Variants in ERBB4 observed in about 807,000 individuals in gnomAD.
The protein encoded by ERBB4 is receptor tyrosine-protein kinase erbB-4.
Under a neutral mutation model 158.0 loss-of-function variants are expected in ERBB4, and 42 were observed. That is an observed-to-expected ratio of 0.27 (90% CI 0.21 to 0.34). ERBB4 has a LOEUF of 0.34. Among genes scored for constraint, ERBB4 ranks in the 10% least tolerant of loss-of-function variants. The probability of loss-of-function intolerance (pLI) is 1.00; values close to 1 mark genes in which losing one functional copy is unlikely to be tolerated. For missense variants in ERBB4, 1,333 were observed against 1,624.1 expected, an observed-to-expected ratio of 0.82 and a Z score of 3.08; for synonymous variants, 583 against 558.7, an observed-to-expected ratio of 1.04 and a Z score of -0.61.
intron 3 of ERBB4, among the ~76,000 whole-genome samples, chr2:211,876,707 T>G (rs1029565697): frequency 3.3e-5 from 5 of 152,136 alleles, no homozygotes; most frequent in African/African-American, 1.2e-4. Context: ...GTAAGAGGCA[T>G]GAGGGAATCT....
At chr2:211,703,259 T>G (rs2073317537) in intron 11 of ERBB4, among the ~76,000 whole-genome samples, 1 of 152,178 alleles carries the variant, frequency 6.6e-6, no homozygotes. Flanking sequence ...GCTTATAATA[T>G]TTATTCAACG....
chr2:212,012,058 T>G (rs1031565095), intron 2 of ERBB4, among the ~76,000 whole-genome samples: 2 of 152,240 alleles, frequency 1.3e-5, no homozygotes, highest in African/African-American at 4.8e-5. Flanking sequence ...TTAGGGTTGT[T>G]TTTTAGTATA....
At chr2:211,675,220 G>C (rs34927727) in intron 13 of ERBB4, among the ~76,000 whole-genome samples, 1 of 152,028 alleles carries the variant, frequency 6.6e-6, no homozygotes, top group Non-Finnish European at 1.5e-5. Flanking sequence ...AGGGAGCTTT[G>C]TTCCCTTGGT....
intron 2 of ERBB4, among the ~76,000 whole-genome samples, chr2:211,962,325 T>A (rs887260790): frequency 7.9e-5 from 12 of 152,190 alleles, no homozygotes; most frequent in African/African-American, 1.4e-4. Flanking sequence ...TATCAAATTC[T>A]CTCTATTCAT....
intron 1 of ERBB4, among the ~76,000 whole-genome samples, chr2:212,393,138 G>C (rs1252257531): frequency 6.6e-6 from 1 of 151,978 alleles, no homozygotes; most frequent in Non-Finnish European, 1.5e-5. Context: ...ACTTGGGCCT[G>C]TTCAAATTAT....
At chr2:211,663,835 T>C (rs1005564061) in intron 15 of ERBB4, among the ~76,000 whole-genome samples, 2 of 152,332 alleles carry the variant, frequency 1.3e-5, no homozygotes, top group Non-Finnish European at 2.9e-5. Context: ...TGGATGATTT[T>C]AGCAGGCAAA....
chr2:212,194,818 T>A (rs60598590), intron 1 of ERBB4, among the ~76,000 whole-genome samples: 28,951 of 151,918 alleles, frequency 0.19, 3,062 homozygotes, highest in Non-Finnish European at 0.22. Context: ...AAAACAATAT[T>A]AAAATGATAT....
At chr2:212,380,780 T>A (rs2090478150) in intron 1 of ERBB4, among the ~76,000 whole-genome samples, 1 of 151,150 alleles carries the variant, frequency 6.6e-6, no homozygotes, top group South Asian at 2.1e-4. Flanking sequence ...TAAAATCACA[T>A]CTGGAATCCC....
At chr2:211,610,673 C>A (rs2125831246) in intron 19 of ERBB4, among the ~76,000 whole-genome samples, 1 of 152,264 alleles carries the variant, frequency 6.6e-6, no homozygotes, top group East Asian at 1.9e-4. Context: ...CATCATAACA[C>A]ATCCTCTAGT....
chr2:211,721,620 C>CAT (rs71054137), intron 7 of ERBB4, among the ~76,000 whole-genome samples: 10,268 of 131,726 alleles, frequency 0.078, 535 homozygotes, highest in East Asian at 0.11. Context: ...TGCTATTAAA[C>CAT]ATATATATAT....
rs970901271 is a variant in ERBB4, at chr2:212,289,968, C to G, written c.83-165065G>C. Among the ~76,000 whole-genome samples the G allele has an allele frequency of 2.6e-5, 4 of 152,038 alleles. No homozygotes were observed. In the East Asian group the frequency reaches 7.7e-4, roughly 29 times the overall value. ...TGAAAATATAAGGAAAACAACTCCT[C>G]TATTCGTAGCATATGTCTAAATACT... On this transcript the variant is annotated intron_variant, in intron 1 of 27. Transcript: ENST00000342788.
chr2:211,732,035 A>T (rs999402581), intron 5 of ERBB4, among the ~76,000 whole-genome samples: 3 of 151,948 alleles, frequency 2.0e-5, no homozygotes, highest in Non-Finnish European at 2.9e-5. Context: ...TTGGAGCCTT[A>T]AGATTTTTAG....
intron 1 of ERBB4, among the ~76,000 whole-genome samples, chr2:212,210,086 C>T (rs10190345): frequency 0.74 from 112,045 of 151,824 alleles, 41,500 homozygotes; most frequent in South Asian, 0.85. Context: ...AGCTTGAGGC[C>T]TAATCTCATC....
chr2:212,427,483 C>T (rs1237549226), intron 1 of ERBB4, among the ~76,000 whole-genome samples: 1 of 152,054 alleles, frequency 6.6e-6, no homozygotes, highest in Non-Finnish European at 1.5e-5. Flanking sequence ...CTGTGATTTG[C>T]ACATTGGAAG....
chr2:211,705,487 A>C (rs752837796), intron 9 of ERBB4, 96 bp from the exon 10 acceptor site: 6 of 857,934 alleles, frequency 7.0e-6, no homozygotes, highest in Middle Eastern at 4.6e-4. Context: ...TTTAATTTTA[A>C]TTAGCAGTAG....
At chr2:211,513,380 A>AAAAAAAC (rs2065937221) in intron 20 of ERBB4, among the ~76,000 whole-genome samples, 1 of 148,208 alleles carries the variant, frequency 6.7e-6, no homozygotes, top group Non-Finnish European at 1.5e-5. Flanking sequence ...AAAAAAACAA[A>AAAAAAAC]AAAAAAACAC....
chr2:211,989,928 T>A (rs1206760819), intron 2 of ERBB4, among the ~76,000 whole-genome samples: 2 of 152,084 alleles, frequency 1.3e-5, no homozygotes, highest in Non-Finnish European at 1.5e-5. Context: ...AATGGAATCA[T>A]TCATCCCTTA....
At chr2:212,463,619 C>A (rs532288654) in intron 1 of ERBB4, among the ~76,000 whole-genome samples, 23,333 of 151,858 alleles carry the variant, frequency 0.15, 1,949 homozygotes, top group African/African-American at 0.2. Context: ...AGAAAAAAAG[C>A]CTCAGAAGAC....
chr2:211,593,878 G>T (rs2125798181), intron 19 of ERBB4, among the ~76,000 whole-genome samples: 1 of 152,176 alleles, frequency 6.6e-6, no homozygotes, highest in Non-Finnish European at 1.5e-5. Context: ...TTCCCAGAGG[G>T]ACCCTAATTA....
Sources: gnomAD v4.1 joint callset for allele counts (sites outside exome capture counted in the v4.1 genomes callset) on GRCh38, gnomAD v4.1.1 for gene constraint, MANE v1.5 for transcripts, NCBI Gene and HGNC (gene_info 2026-07-23, HGNC 2026-07-21) for gene names.